Variants in FAM110B observed in about 807,000 individuals in gnomAD.
FAM110B encodes the protein protein FAM110B.
FAM110B carries 6 observed loss-of-function variants against 20.4 expected under a neutral mutation model. The observed-to-expected ratio is 0.29, with a 90% CI of 0.16 to 0.58. FAM110B has a LOEUF of 0.58. FAM110B is among the 20% of genes least tolerant of loss of function. The pLI, the probability that FAM110B is intolerant of heterozygous loss-of-function variation, is 0.90. For synonymous variants in FAM110B, 226 were observed against 214.1 expected (o/e 1.06, Z -0.49); for missense variants, 434 against 498.2 (o/e 0.87, Z 1.23).
At chr8:58,019,947 C>G (rs960958038) in intron 1 of FAM110B, among the ~76,000 whole-genome samples, 1 of 151,858 alleles carries the variant, frequency 6.6e-6, no homozygotes, top group South Asian at 2.1e-4. Flanking sequence ...TTCTCCTCTC[C>G]TCTAATTGCC....
At chr8:58,047,717 A>G (rs1464927409) in intron 2 of FAM110B, among the ~76,000 whole-genome samples, 3 of 150,614 alleles carry the variant, frequency 2.0e-5, no homozygotes, top group Non-Finnish European at 4.4e-5. Context: ...CAGGCATTCT[A>G]TCTGTACAGT....
At chr8:58,119,941 T>G (rs1236840221) in intron 3 of FAM110B, among the ~76,000 whole-genome samples, 1 of 152,200 alleles carries the variant, frequency 6.6e-6, no homozygotes. Context: ...ATAACCTGCT[T>G]CTGGGAAATG....
Position 58,147,126 on chromosome 8 carries a change from C to G in FAM110B, c.896C>G (p.Ala299Gly), listed in dbSNP as rs770652957. The change falls in exon 4 of 4, where the codon GCT becomes GGT. Residue 299 changes from alanine (A) to glycine (G), a missense_variant. This residue lies in a region of FAM110B where 94 missense variants were observed against 137.8 expected (regional missense o/e 0.68). Coordinates refer to ENST00000519262, the MANE Select transcript of FAM110B (RefSeq NM_001377989.1). ...CTGGGAATGGAAAACTTTGCAAGGG[C>G]TAATTCTGACATAATATCCCTCAAC... Reference protein sequence around the residue: ...ENLGMENFARANSDIISLNFR... With the variant: ...ENLGMENFARGNSDIISLNFR... 6.2e-7 allele frequency: 1 copy of G among 1,614,176 alleles called. No individual in the cohort carries two copies. Among genetic ancestry groups the G allele is most frequent in the Admixed American group, 1.7e-5 (1 of 60,028 alleles).
chr8:58,055,325 G>C (rs1189760008), intron 2 of FAM110B, among the ~76,000 whole-genome samples: 1 of 152,204 alleles, frequency 6.6e-6, no homozygotes, highest in Non-Finnish European at 1.5e-5. Flanking sequence ...GCAGTGCTGA[G>C]GATCTGGTTT....
chr8:58,057,405 G>A (rs964298533), intron 2 of FAM110B, among the ~76,000 whole-genome samples: 1 of 152,178 alleles, frequency 6.6e-6, no homozygotes, highest in East Asian at 1.9e-4. Flanking sequence ...TTTTGGTAAG[G>A]CTGCCCTTCT....
chr8:58,076,836 T>A (rs969945422), intron 3 of FAM110B, among the ~76,000 whole-genome samples: 3 of 152,168 alleles, frequency 2.0e-5, no homozygotes, highest in African/African-American at 7.2e-5. Flanking sequence ...TTGACAGCCT[T>A]CCTCTAGCTT....
chr8:58,018,859 G>T (rs895207780), intron 1 of FAM110B, among the ~76,000 whole-genome samples: 3 of 141,222 alleles, frequency 2.1e-5, no homozygotes, highest in South Asian at 2.4e-4. Context: ...GATAGATAGA[G>T]AATCACCATC....
At chr8:58,002,117 A>G (rs1315438491) in intron 1 of FAM110B, among the ~76,000 whole-genome samples, 1 of 152,152 alleles carries the variant, frequency 6.6e-6, no homozygotes, top group African/African-American at 2.4e-5. Flanking sequence ...TGGTTGGATA[A>G]TGCCCACCCA....
At chr8:58,082,872 G>T (rs1806235348) in intron 3 of FAM110B, among the ~76,000 whole-genome samples, 1 of 147,024 alleles carries the variant, frequency 6.8e-6, no homozygotes, top group East Asian at 2.0e-4. Context: ...AAATGAGCAT[G>T]GTTGCACACA....
chr8:58,129,011 A>G (rs550924320), intron 3 of FAM110B, among the ~76,000 whole-genome samples: 2 of 152,346 alleles, frequency 1.3e-5, no homozygotes, highest in East Asian at 3.9e-4. Context: ...AGTTCTAGAA[A>G]CAACGCTGGG....
chr8:58,038,631 A>G (rs866295076), intron 2 of FAM110B, among the ~76,000 whole-genome samples: 7 of 152,060 alleles, frequency 4.6e-5, no homozygotes, highest in Admixed American at 1.3e-4. Context: ...ACAGGCCTGT[A>G]ATCCCAGCTA....
intron 3 of FAM110B, among the ~76,000 whole-genome samples, chr8:58,124,349 A>G (rs966166336): frequency 1.3e-5 from 2 of 152,214 alleles, no homozygotes; most frequent in African/African-American, 4.8e-5. Flanking sequence ...GACCATTGCT[A>G]AGAGGAGTTG....
At chr8:58,005,550 A>G (rs1804386365) in intron 1 of FAM110B, among the ~76,000 whole-genome samples, 1 of 152,262 alleles carries the variant, frequency 6.6e-6, no homozygotes, top group Non-Finnish European at 1.5e-5. Flanking sequence ...AGCATGTTAA[A>G]GTGAAGTGCA....
At chr8:58,114,745 T>C (rs564088586) in intron 3 of FAM110B, among the ~76,000 whole-genome samples, 2 of 152,356 alleles carry the variant, frequency 1.3e-5, no homozygotes, top group African/African-American at 4.8e-5. Flanking sequence ...TGGAGATTCA[T>C]TTAATCCTGA....
chr8:58,111,787 G>A (rs1372692735), intron 3 of FAM110B, among the ~76,000 whole-genome samples: 1 of 152,146 alleles, frequency 6.6e-6, no homozygotes, highest in African/African-American at 2.4e-5. Context: ...ACCATAGGAA[G>A]TAATCGAAGA....
rs142347672 is a variant in FAM110B at position 58,017,244 on chromosome 8, C to G, written c.-511-14362C>G. Among the ~76,000 whole-genome samples, 436 of 152,298 alleles carry G rather than the reference C, an allele frequency of 2.9e-3. 2 individuals carry two copies. Among genetic ancestry groups the G allele is most frequent in the African/African-American group, 0.01 (419 of 41,558 alleles). ...AGGCATTATGCCGCTTCATTGAACC[C>G]TGAAAGGTAGATAAGTCTGCATTTT... is the stretch of plus-strand genomic sequence containing the variant. On this transcript the variant is annotated intron_variant, in intron 1 of 3. Coordinates refer to ENST00000519262, the MANE Select transcript of FAM110B (RefSeq NM_001377989.1).
At chr8:58,125,254 G>A (rs1276984632) in intron 3 of FAM110B, among the ~76,000 whole-genome samples, 1 of 152,146 alleles carries the variant, frequency 6.6e-6, no homozygotes, top group Non-Finnish European at 1.5e-5. Flanking sequence ...GGGCTAAGGT[G>A]GATGGATCAC....
At chr8:58,119,211 AGCT>A (rs1357126115) in intron 3 of FAM110B, among the ~76,000 whole-genome samples, 1 of 152,118 alleles carries the variant, frequency 6.6e-6, no homozygotes, top group African/African-American at 2.4e-5. Flanking sequence ...ACTTAGTCTG[AGCT>A]GCTATAGCAA....
chr8:58,093,790 C>T (rs1299974724), intron 3 of FAM110B, among the ~76,000 whole-genome samples: 5 of 151,826 alleles, frequency 3.3e-5, no homozygotes, highest in African/African-American at 4.8e-5. Flanking sequence ...TGAAGAAAAT[C>T]AATGGTAGCT....
Sources: gnomAD v4.1 joint callset for allele counts (sites outside exome capture counted in the v4.1 genomes callset) on GRCh38, gnomAD v4.1.1 for gene constraint, gnomAD v4.1.1 regional missense constraint, MANE v1.5 for transcripts, NCBI Gene and HGNC (gene_info 2026-07-23, HGNC 2026-07-21) for gene names.